AGBL1: variants seen among roughly 807,000 people sequenced by gnomAD.
AGBL1 encodes cytosolic carboxypeptidase 4.
AGBL1 carries 130 observed loss-of-function variants against 118.9 expected under a neutral mutation model. That is an observed-to-expected ratio of 1.09 (90% confidence interval 0.95 to 1.26). AGBL1 has a LOEUF of 1.26. AGBL1 is among the 50% of genes most tolerant of loss of function. The pLI, the probability that AGBL1 is intolerant of heterozygous loss-of-function variation, is 0.00. For synonymous variants in AGBL1, 555 were observed against 478.9 expected (o/e 1.16, Z -2.08); for missense variants, 1,584 against 1,298.1 (o/e 1.22, Z -3.38).
chr15:86,856,984 C>T (rs2079492419), intron 22 of AGBL1, among the ~76,000 whole-genome samples: 1 of 152,206 alleles, frequency 6.6e-6, no homozygotes, highest in Non-Finnish European at 1.5e-5. Flanking sequence ...ACCTGGTCTT[C>T]TTCCAGTGGT....
intron 22 of AGBL1, among the ~76,000 whole-genome samples, chr15:86,796,354 C>G (rs2078570832): frequency 6.6e-6 from 1 of 152,200 alleles, no homozygotes; most frequent in East Asian, 1.9e-4. Flanking sequence ...CCCTAAGCCT[C>G]AAAGGACACA....
chr15:86,840,754 A>G (rs10520641), intron 22 of AGBL1, among the ~76,000 whole-genome samples: 4,372 of 152,160 alleles, frequency 0.029, 203 homozygotes, highest in African/African-American at 0.096. Flanking sequence ...TGCATGTTCT[A>G]TTCTTAGACA....
intron 22 of AGBL1, among the ~76,000 whole-genome samples, chr15:86,719,155 G>C (rs7167902): frequency 1.3e-5 from 2 of 152,030 alleles, no homozygotes; most frequent in African/African-American, 4.8e-5. Context: ...CATTTGAGAA[G>C]AGAGGGAGAC....
At chr15:86,889,298 A>G (rs1755450772) in intron 22 of AGBL1, among the ~76,000 whole-genome samples, 1 of 127,648 alleles carries the variant, frequency 7.8e-6, no homozygotes, top group African/African-American at 3.1e-5. Flanking sequence ...ACTGAAATCT[A>G]AGTGCTTTCG....
At chr15:86,764,582 A>G (rs1255013399) in intron 22 of AGBL1, among the ~76,000 whole-genome samples, 1 of 152,084 alleles carries the variant, frequency 6.6e-6, no homozygotes, top group African/African-American at 2.4e-5. Flanking sequence ...TACATTTTAA[A>G]GTTATTTGTA....
chr15:87,027,952 G>A (rs567222326), intron 24 of AGBL1, among the ~76,000 whole-genome samples: 16 of 151,970 alleles, frequency 1.1e-4, no homozygotes, highest in Middle Eastern at 6.8e-3. Context: ...ATCCCTAGGT[G>A]ATGGGATGAT....
chr15:86,821,662 TGTC>T (rs1399714571), intron 22 of AGBL1, among the ~76,000 whole-genome samples: 2 of 152,180 alleles, frequency 1.3e-5, no homozygotes, highest in Non-Finnish European at 2.9e-5. Flanking sequence ...ATGCCAATAA[TGTC>T]ATCAGCATAA....
chr15:86,856,587 T>C (rs2079484322), intron 22 of AGBL1, among the ~76,000 whole-genome samples: 1 of 152,232 alleles, frequency 6.6e-6, no homozygotes, highest in Non-Finnish European at 1.5e-5. Context: ...TATTGATAAA[T>C]AAAGTGCATT....
chr15:86,636,989 C>A (rs994695134), intron 21 of AGBL1, among the ~76,000 whole-genome samples: 3 of 151,490 alleles, frequency 2.0e-5, no homozygotes, highest in African/African-American at 7.3e-5. Context: ...TTAGGCACAA[C>A]CAGGTATGTA....
At chr15:86,976,043 T>G (rs1033094647) in intron 23 of AGBL1, among the ~76,000 whole-genome samples, 1 of 152,080 alleles carries the variant, frequency 6.6e-6, no homozygotes, top group African/African-American at 2.4e-5. Context: ...ACTTTAAAAT[T>G]ATTATGTTGG....
chr15:86,367,704 A>T (rs968092240), intron 17 of AGBL1, among the ~76,000 whole-genome samples: 2 of 152,224 alleles, frequency 1.3e-5, no homozygotes, highest in Admixed American at 1.3e-4. Context: ...GCCTCCTCCC[A>T]TATTTACAAG....
intron 19 of AGBL1, among the ~76,000 whole-genome samples, chr15:86,545,470 G>A (rs1426164096): frequency 1.3e-5 from 2 of 152,054 alleles, no homozygotes; most frequent in Non-Finnish European, 2.9e-5. Context: ...GTGTCATGGA[G>A]CTTTGTTGTA....
At chr15:86,455,559 G>A (rs1315488228) in intron 18 of AGBL1, among the ~76,000 whole-genome samples, 4 of 152,032 alleles carry the variant, frequency 2.6e-5, no homozygotes, top group African/African-American at 7.2e-5. Flanking sequence ...AACAATCTTT[G>A]TAAACTCCAA....
intron 4 of AGBL1, among the ~76,000 whole-genome samples, chr15:86,157,006 T>G (rs1340583107): frequency 3.9e-5 from 6 of 152,222 alleles, no homozygotes; most frequent in Non-Finnish European, 5.9e-5. Context: ...GCCAGGCTGG[T>G]CTTGAACTCC....
At chr15:86,192,137 C>T (rs541382809) in intron 5 of AGBL1, among the ~76,000 whole-genome samples, 2 of 151,638 alleles carry the variant, frequency 1.3e-5, no homozygotes, top group Admixed American at 6.6e-5. Flanking sequence ...CACACCCACA[C>T]ACATGCACGC....
intron 18 of AGBL1, among the ~76,000 whole-genome samples, chr15:86,437,620 G>C (rs1458710394): frequency 1.3e-5 from 2 of 152,158 alleles, no homozygotes; most frequent in Non-Finnish European, 2.9e-5. Flanking sequence ...CCTGGTTGGT[G>C]ACTAAAGTGC....
At chr15:86,706,647 G>A (rs890335207) in intron 22 of AGBL1, among the ~76,000 whole-genome samples, 2 of 152,122 alleles carry the variant, frequency 1.3e-5, no homozygotes, top group East Asian at 1.9e-4. Flanking sequence ...AATGGTGTAC[G>A]TAGACAGTTA....
In AGBL1 at chr15:86,165,570, G is replaced by A. The variant is rs78579265; in HGVS notation, c.488+6544G>A. ...ACTGAGACAATGGAGATCCAAGTTA[G>A]AAGAAATGGATTTTTTTCTGTTTCT... On this transcript the variant is annotated intron_variant, in intron 5 of 22. Transcript: ENST00000614907. Among the ~76,000 whole-genome samples the A allele has an allele frequency of 3.9e-3, 587 of 152,264 alleles. 5 individuals carry two copies. Among genetic ancestry groups the A allele is most frequent in the African/African-American group, 0.013 (558 of 41,554 alleles).
intron 22 of AGBL1, among the ~76,000 whole-genome samples, chr15:86,871,726 G>A (rs553718739): frequency 4.6e-5 from 7 of 152,134 alleles, no homozygotes; most frequent in African/African-American, 1.4e-4. Context: ...CTACCTTCAC[G>A]CTCTTCAAAA....
Sources: gnomAD v4.1 joint callset for allele counts (sites outside exome capture counted in the v4.1 genomes callset) on GRCh38, gnomAD v4.1.1 for gene constraint, MANE v1.5 for transcripts, NCBI Gene and HGNC (gene_info 2026-07-23, HGNC 2026-07-21) for gene names.